The following FSTL5 variants were observed in gnomAD, a reference collection of about 807,000 sequenced individuals.
FSTL5 encodes follistatin-related protein 5.
In FSTL5, 62 loss-of-function variants were observed where a neutral mutation model predicts 89.1. That is an observed-to-expected ratio of 0.70 (90% CI 0.57 to 0.86). FSTL5 has a LOEUF of 0.86. FSTL5 is among the 40% of genes least tolerant of loss of function. The probability of loss-of-function intolerance (pLI) is 0.00; values close to 1 mark genes in which losing one functional copy is unlikely to be tolerated. For missense variants in FSTL5, 1,057 were observed against 1,001.6 expected (o/e 1.06, Z -0.75); for synonymous variants, 383 against 346.2 (o/e 1.11, Z -1.18).
rs79059456 is a variant in FSTL5 at position 162,088,435 on chromosome 4, T to C, written c.126+22836A>G. Among the ~76,000 whole-genome samples the C allele has an allele frequency of 1.5e-3, 225 of 152,226 alleles. 5 individuals are homozygous for C. The East Asian group carries it at 0.036, about 24-fold the overall frequency. On this transcript the variant is annotated intron_variant, in intron 2 of 15. Transcript: ENST00000306100. ...CTAAATATTTCTCAAAAAAGAGCCATTGACTTAGGATCAGAAAAATGACAT... is the reference window on the plus strand; with the variant it reads ...CTAAATATTTCTCAAAAAAGAGCCACTGACTTAGGATCAGAAAAATGACAT...
intron 6 of FSTL5, among the ~76,000 whole-genome samples, chr4:161,704,026 T>G (rs1465074657): frequency 1.3e-5 from 2 of 152,132 alleles, no homozygotes; most frequent in South Asian, 2.1e-4. Context: ...AAAATAAATC[T>G]TGGGTCCCCC....
intron 7 of FSTL5, among the ~76,000 whole-genome samples, chr4:161,595,035 C>T (rs1459580899): frequency 2.0e-5 from 3 of 148,118 alleles, no homozygotes; most frequent in South Asian, 2.2e-4. Flanking sequence ...AAATAGACTG[C>T]AGAATTTAGC....
intron 4 of FSTL5, among the ~76,000 whole-genome samples, chr4:161,911,979 C>T (rs976859483): frequency 2.0e-5 from 3 of 152,018 alleles, no homozygotes; most frequent in Non-Finnish European, 4.4e-5. Context: ...ATAAGTTTTC[C>T]TATGCTCTGT....
chr4:161,652,298 G>A (rs552220344), intron 7 of FSTL5, among the ~76,000 whole-genome samples: 5 of 152,158 alleles, frequency 3.3e-5, no homozygotes, highest in African/African-American at 9.6e-5. Context: ...AGTTAGGTGC[G>A]GTGGCTCACA....
intron 4 of FSTL5, among the ~76,000 whole-genome samples, chr4:161,853,573 T>G (rs1175666234): frequency 3.9e-5 from 6 of 151,932 alleles, no homozygotes; most frequent in Admixed American, 2.0e-4. Context: ...CATTTCACTC[T>G]TAAAAAGGAA....
At chr4:161,763,740 C>T (rs951044867) in intron 5 of FSTL5, among the ~76,000 whole-genome samples, 2 of 152,164 alleles carry the variant, frequency 1.3e-5, no homozygotes, top group African/African-American at 4.8e-5. Context: ...GTCATATGCT[C>T]AGTGCCCAGT....
At chr4:161,804,277 A>G (rs890620398) in intron 4 of FSTL5, among the ~76,000 whole-genome samples, 11 of 151,988 alleles carry the variant, frequency 7.2e-5, no homozygotes, top group Non-Finnish European at 1.3e-4. Flanking sequence ...TTTACCTTCA[A>G]TGCCTGTCTG....
chr4:162,020,185 T>A (rs1012389314), intron 3 of FSTL5, among the ~76,000 whole-genome samples: 1 of 151,988 alleles, frequency 6.6e-6, no homozygotes, highest in Non-Finnish European at 1.5e-5. Context: ...TAAATGGCAC[T>A]GCACTTTCAT....
chr4:161,680,955 T>G (rs568224183), intron 6 of FSTL5, among the ~76,000 whole-genome samples: 1 of 152,174 alleles, frequency 6.6e-6, no homozygotes, highest in South Asian at 2.1e-4. Context: ...TAATAAATCA[T>G]TCAGTTCAGT....
At chr4:162,002,394 C>T (rs973730555) in intron 3 of FSTL5, among the ~76,000 whole-genome samples, 2 of 152,152 alleles carry the variant, frequency 1.3e-5, no homozygotes, top group African/African-American at 2.4e-5. Flanking sequence ...ATCTAATCAC[C>T]GCACTGGGGC....
At chr4:161,979,468 G>C (rs995472889) in intron 3 of FSTL5, among the ~76,000 whole-genome samples, 2 of 151,874 alleles carry the variant, frequency 1.3e-5, no homozygotes, top group Non-Finnish European at 2.9e-5. Context: ...TTCTGATATT[G>C]TCCTCTTACC....
chr4:161,486,513 T>C (rs1318109748), intron 12 of FSTL5, among the ~76,000 whole-genome samples: 1 of 152,188 alleles, frequency 6.6e-6, no homozygotes, highest in Non-Finnish European at 1.5e-5. Context: ...TAGTTAGTAG[T>C]TATGAAAAAT....
intron 7 of FSTL5, among the ~76,000 whole-genome samples, chr4:161,618,527 G>C (rs1228870495): frequency 1.3e-5 from 2 of 149,910 alleles, no homozygotes; most frequent in Non-Finnish European, 3.0e-5. Context: ...AGAGTTTTTA[G>C]CATGAAGGGT....
intron 3 of FSTL5, among the ~76,000 whole-genome samples, chr4:161,965,818 G>A (rs1735310130): frequency 6.6e-6 from 1 of 151,990 alleles, no homozygotes; most frequent in South Asian, 2.1e-4. Flanking sequence ...ATTGTAAAGT[G>A]TTTTAGAAAT....
At chr4:161,510,963 T>C (rs7698335) in intron 10 of FSTL5, among the ~76,000 whole-genome samples, 3,026 of 152,118 alleles carry the variant, frequency 0.02, 91 homozygotes, top group African/African-American at 0.068. Flanking sequence ...AGACAGAAAA[T>C]AGATCTAAGT....
chr4:161,749,313 A>C (rs1393647384), intron 6 of FSTL5, among the ~76,000 whole-genome samples: 1 of 152,172 alleles, frequency 6.6e-6, no homozygotes, highest in Non-Finnish European at 1.5e-5. Flanking sequence ...ATTTAAAAAA[A>C]TGTGGTACAT....
chr4:162,045,161 G>T (rs1252613518), intron 2 of FSTL5, among the ~76,000 whole-genome samples: 1 of 152,038 alleles, frequency 6.6e-6, no homozygotes, highest in African/African-American at 2.4e-5. Flanking sequence ...ATCATTTCTA[G>T]CTTTTGATTT....
rs571928910 is a variant in FSTL5 at position 161,689,950 on chromosome 4, C to T, written c.728-33456G>A. The stretch of plus-strand genomic sequence containing the variant: ...TTTCACTTATCATACTTTCGAGATT[C>T]ATCCAAGTTGTAATATGTATTAGTA... On this transcript the variant is annotated intron_variant, in intron 6 of 15. Transcript: ENST00000306100. 3.3e-5 allele frequency among the ~76,000 whole-genome samples: 5 copies of T among 152,228 alleles called. No homozygotes were observed. In the South Asian group the frequency reaches 8.3e-4, roughly 25 times the overall value.
chr4:161,714,748 A>C (rs1292000474), intron 6 of FSTL5, among the ~76,000 whole-genome samples: 1 of 152,208 alleles, frequency 6.6e-6, no homozygotes, highest in Non-Finnish European at 1.5e-5. Flanking sequence ...GTTTTTGCTC[A>C]GAAAGAAATA....
Sources: allele counts gnomAD v4.1 joint callset (sites outside exome capture counted in the v4.1 genomes callset), GRCh38; gene constraint gnomAD v4.1.1; transcripts MANE v1.5; gene names NCBI Gene and HGNC (gene_info 2026-07-23, HGNC 2026-07-21).